Variants in PCNX2 observed in about 807,000 individuals in gnomAD.
The protein encoded by PCNX2 is pecanex-like protein 2.
Under a neutral mutation model 223.8 loss-of-function variants are expected in PCNX2, and 168 were observed. The ratio of observed to expected loss-of-function variants is 0.75; its 90% confidence interval spans 0.66 to 0.85. The LOEUF (loss-of-function observed/expected upper bound fraction) is 0.85. Among genes scored for constraint, PCNX2 ranks in the 40% least tolerant of loss-of-function variants. The pLI is 0.00. For synonymous variants in PCNX2, 1,006 were observed against 1,052.6 expected (o/e 0.96, Z 0.86); for missense variants, 2,507 against 2,675.5 (o/e 0.94, Z 1.39).
intron 10 of PCNX2, among the ~76,000 whole-genome samples, chr1:233,225,668 T>C (rs1243922975): frequency 6.6e-6 from 1 of 152,244 alleles, no homozygotes. Context: ...ATTAATTTTT[T>C]GTCACCAAGT....
chr1:233,130,074 C>T (rs1018048277), intron 21 of PCNX2, among the ~76,000 whole-genome samples: 26 of 152,288 alleles, frequency 1.7e-4, no homozygotes, highest in Admixed American at 2.0e-4. Flanking sequence ...ACTCCAGACA[C>T]GCTGCCTTAA....
At chr1:233,138,960 T>A (rs1676955321) in intron 20 of PCNX2, among the ~76,000 whole-genome samples, 1 of 152,218 alleles carries the variant, frequency 6.6e-6, no homozygotes, top group Admixed American at 6.5e-5. Flanking sequence ...TGAATTAGCA[T>A]GTTTGGGATT....
Position 233,177,918 on chromosome 1 carries a change from A to T in PCNX2, c.3177-20T>A. ...AAGGACCTGAAAGTGGAAAAACACA[A>T]TACTTCATCAAAGATGTTCCTGGGA... On this transcript the variant is annotated intron_variant, in intron 16 of 33. Transcript: ENST00000258229. 1 of 1,584,146 alleles carries T rather than the reference A, an allele frequency of 6.3e-7. No homozygotes were observed. Among genetic ancestry groups the T allele is most frequent in the Non-Finnish European group, 8.7e-7 (1 of 1,153,060 alleles).
chr1:232,984,284 C>T lies in PCNX2; in HGVS notation c.*20G>A, dbSNP rs780869887. ...TGGGAGGTGTGGGGGAGCCAGCCTCCCCGCCCGGCCGCACGCCCGTCACTG... is the reference window on the plus strand; with the variant it reads ...TGGGAGGTGTGGGGGAGCCAGCCTCTCCGCCCGGCCGCACGCCCGTCACTG... On this transcript the variant is annotated 3_prime_UTR_variant, in exon 34 of 34. Transcript: ENST00000258229. The T allele has an allele frequency of 1.3e-6, 2 of 1,570,394 alleles. No individual in the cohort carries two copies. Among genetic ancestry groups the T allele is most frequent in the South Asian group, 2.4e-5 (2 of 84,400 alleles).
intron 1 of PCNX2, among the ~76,000 whole-genome samples, chr1:233,267,995 T>C (rs1483983015): frequency 6.6e-6 from 1 of 152,156 alleles, no homozygotes; most frequent in Non-Finnish European, 1.5e-5. Flanking sequence ...CACTGCAATC[T>C]CTGCGTCCCG....
chr1:233,309,995 T>C, the PCNX2 span, among the ~76,000 whole-genome samples: 3 of 152,170 alleles, frequency 2.0e-5, no homozygotes, highest in Admixed American at 2.0e-4. Context: ...ATAAAGTTAT[T>C]AATAATTCCT....
chr1:233,135,285 T>G, intron 20 of PCNX2, 95 bp from the exon 21 acceptor site: 1 of 1,322,650 alleles, frequency 7.6e-7, no homozygotes, highest in Middle Eastern at 2.0e-4. Context: ...TGATGGTTCA[T>G]TAAGAACTTT....
intron 26 of PCNX2, among the ~76,000 whole-genome samples, chr1:233,022,292 T>G (rs922455073): frequency 6.6e-6 from 1 of 152,134 alleles, no homozygotes; most frequent in East Asian, 1.9e-4. Flanking sequence ...AAAAACAAAT[T>G]GGGCCATGCA....
chr1:233,262,869 A>C, intron 2 of PCNX2, 89 bp downstream of exon 2: 2 of 1,203,496 alleles, frequency 1.7e-6, no homozygotes, highest in Non-Finnish European at 2.4e-6. Flanking sequence ...TGCCTATACT[A>C]GTAATTTCAT....
intron 25 of PCNX2, among the ~76,000 whole-genome samples, chr1:233,035,625 A>AGCT (rs1408628625): frequency 1.3e-5 from 2 of 152,196 alleles, no homozygotes; most frequent in African/African-American, 4.8e-5. Context: ...ACATAGATAG[A>AGCT]GCTTAGCCTG....
chr1:233,126,158 TGA>T lies in PCNX2; in HGVS notation c.3837+8853_3837+8854del. Reference sequence around the variant, plus strand: ...TTGGAAGGCAGAGGTTGCAGTGAGCTGAGATCACGCCACTGCACTCCAGCCTG... The same window carrying T: ...TTGGAAGGCAGAGGTTGCAGTGAGCTGATCACGCCACTGCACTCCAGCCTG... On this transcript the variant is annotated intron_variant, in intron 21 of 33. Transcript: ENST00000258229. The surrounding 1 kb of genome is among the most constrained non-coding windows in gnomAD (Gnocchi z 4.8). The T allele has an allele frequency of 6.6e-6, 1 of 151,982 alleles. No individual in the cohort carries two copies. Among genetic ancestry groups the T allele is most frequent in the African/African-American group, 2.4e-5 (1 of 41,408 alleles). 9.4% of individuals were successfully genotyped at this position (151,982 alleles called of 1,614,324 possible).
the PCNX2 span, among the ~76,000 whole-genome samples, chr1:233,322,881 T>C: frequency 2.6e-5 from 4 of 152,182 alleles, no homozygotes; most frequent in Non-Finnish European, 5.9e-5. Flanking sequence ...TCTACCCTTC[T>C]TCGTCTTTCT....
At position 233,107,473 on chromosome 1, in the gene PCNX2, C is replaced by T. The variant is rs564309527; in HGVS notation, c.3838-11610G>A. On this transcript the variant is annotated intron_variant, in intron 21 of 33. Coordinates refer to ENST00000258229, the MANE Select transcript of PCNX2 (RefSeq NM_014801.4). ...GTAAGGCTATGTCTCAATCATGATC[C>T]ACACTGGGACATTCCAGCTATGTGA... is the stretch of plus-strand genomic sequence containing the variant. Among the ~76,000 whole-genome samples, 11 of 152,000 alleles carry T rather than the reference C, an allele frequency of 7.2e-5. No individual in the cohort carries two copies. In the South Asian group the frequency reaches 2.3e-3, roughly 32 times the overall value.
intron 21 of PCNX2, among the ~76,000 whole-genome samples, chr1:233,131,720 C>T (rs1676515265): frequency 6.6e-6 from 1 of 151,998 alleles, no homozygotes. Context: ...TTGCTTTTGT[C>T]TCACTAATTT....
chr1:233,137,275 G>A (rs186289084), intron 20 of PCNX2, among the ~76,000 whole-genome samples: 2 of 152,300 alleles, frequency 1.3e-5, no homozygotes, highest in Non-Finnish European at 2.9e-5. Context: ...CTGATGTGCT[G>A]ACATGGTCCA....
At chr1:233,324,686 C>T in the PCNX2 span, among the ~76,000 whole-genome samples, 1 of 151,120 alleles carries the variant, frequency 6.6e-6, no homozygotes, top group Non-Finnish European at 1.5e-5. Flanking sequence ...CTGCAACCTC[C>T]ACCTCCCGGG....
chr1:233,117,776 C>T (rs1285478195), intron 21 of PCNX2, among the ~76,000 whole-genome samples: 3 of 151,546 alleles, frequency 2.0e-5, no homozygotes, highest in Non-Finnish European at 2.9e-5. Flanking sequence ...TTTGGGAGGC[C>T]GAGGCGGGCG....
rs12043795 is a variant in PCNX2, at chr1:233,134,492, C to T, written c.3837+521G>A. Reference sequence around the variant, plus strand: ...AGCGTATTGGAAATACTCCAAGAGACCCTGCTCTTGGGTACCAGTTCCTTA... The same window carrying T: ...AGCGTATTGGAAATACTCCAAGAGATCCTGCTCTTGGGTACCAGTTCCTTA... On this transcript the variant is annotated intron_variant, in intron 21 of 33. Coordinates refer to ENST00000258229, the MANE Select transcript of PCNX2 (RefSeq NM_014801.4). Among the ~76,000 whole-genome samples the T allele has an allele frequency of 3.3e-5, 5 of 152,174 alleles. No individual in the cohort carries two copies. In the East Asian group the frequency reaches 9.6e-4, roughly 29 times the overall value.
intron 17 of PCNX2, chr1:233,172,238 A>G (rs1358974443): frequency 2.1e-6 from 1 of 486,710 alleles, no homozygotes; most frequent in African/African-American, 2.1e-5. Context: ...AAATTTTTTT[A>G]TAGTAAGCTG....
Sources: allele counts gnomAD v4.1 joint callset (sites outside exome capture counted in the v4.1 genomes callset), GRCh38; gene constraint gnomAD v4.1.1; non-coding constraint Gnocchi (gnomAD v3.1); transcripts MANE v1.5; gene names NCBI Gene and HGNC (gene_info 2026-07-23, HGNC 2026-07-21).